Variants in UPF3B observed in about 807,000 individuals in gnomAD.
UPF3B encodes UPF3B regulator of nonsense mediated mRNA decay.
A neutral mutation model predicts 40.3 loss-of-function variants in UPF3B; 7 were observed. The ratio of observed to expected loss-of-function variants is 0.17; its 90% confidence interval spans 0.10 to 0.33. UPF3B has a LOEUF of 0.33. Among genes scored for constraint, UPF3B ranks in the 10% least tolerant of loss-of-function variants. UPF3B has a pLI of 1.00. For missense variants in UPF3B, 229 were observed against 358.9 expected (o/e 0.64, Z 2.93); for synonymous variants, 117 against 117.3 (o/e 1.00, Z 0.01).
At chrX:119,842,311 C>T (rs1009282879) in intron 5 of UPF3B, among the ~76,000 whole-genome samples, 1 of 111,454 alleles carries the variant, frequency 9.0e-6, no homozygotes, top group Non-Finnish European at 1.9e-5. Flanking sequence ...TGGCCGGGCA[C>T]AGTGGCTCAT....
rs748558042 is a variant in UPF3B at position 119,834,747 on chromosome X, T to A, written c.*131A>T. 1 of 1,194,065 alleles carries A rather than the reference T, an allele frequency of 8.4e-7. No homozygotes were observed. The highest frequency in any genetic ancestry group is 1.1e-6 in the Non-Finnish European group (1 of 890,417). ...CCTGCTTTGACACAAGACTTACTCC[T>A]CTGCAGTGTACCCCACCAGCACAGC... is the stretch of plus-strand genomic sequence containing the variant. On this transcript the variant is annotated 3_prime_UTR_variant, in exon 11 of 11. Transcript: ENST00000276201.
At chrX:119,852,683 A>C (rs940003196) in intron 1 of UPF3B, 90 bp downstream of exon 1, 1 of 1,165,374 alleles carries the variant, frequency 8.6e-7, no homozygotes, top group African/African-American at 1.8e-5. Flanking sequence ...GGAGAACCTG[A>C]GAAAGAAAGG....
chrX:119,845,528 TA>T (rs1569462960), intron 3 of UPF3B, among the ~76,000 whole-genome samples: 3 of 112,366 alleles, frequency 2.7e-5, no homozygotes, highest in Admixed American at 9.5e-5. Flanking sequence ...AATATTCATA[TA>T]AATTCAACTT....
chrX:119,837,949 T>C lies in UPF3B; in HGVS notation c.1110A>G (p.Glu370=), dbSNP rs779590343. The change falls in exon 10 of 11, where the codon GAA becomes GAG. Residue 370 remains glutamate (E), a synonymous_variant. Transcript: ENST00000276201. The part of the protein sequence containing the change: ...LRERERLKRQ[E]EERRRQKERY... ...GCTCCTTCTGCCTACGGCGCTCTTC[T>C]TCTTGCCGCTTCAGCCTCTCTCTTT... 8 of 1,211,248 alleles carry C rather than the reference T, an allele frequency of 6.6e-6. No homozygotes were observed. In the Middle Eastern group the frequency reaches 9.2e-4, roughly 139 times the overall value.
At chrX:119,827,857 G>A (rs1184861873) in intron 3 of UPF3B, among the ~76,000 whole-genome samples, 1 of 109,844 alleles carries the variant, frequency 9.1e-6, no homozygotes, top group Non-Finnish European at 1.9e-5. Context: ...TCAGCCTCCC[G>A]AGTAGCTGGG....
intron 3 of UPF3B, among the ~76,000 whole-genome samples, chrX:119,826,298 T>G (rs2055978201): frequency 9.1e-6 from 1 of 110,326 alleles, no homozygotes; most frequent in Non-Finnish European, 1.9e-5. Flanking sequence ...CTCGCCAACA[T>G]GGTGAAACCC....
At chrX:119,819,083 T>C in intron 4 of UPF3B, among the ~76,000 whole-genome samples, 1 of 97,919 alleles carries the variant, frequency 1.0e-5, no homozygotes, top group Non-Finnish European at 2.1e-5. Context: ...AGACCAAATC[T>C]CACTCTGTCA....
downstream of UPF3B, among the ~76,000 whole-genome samples, chrX:119,830,401 C>T (rs980143578): frequency 9.1e-6 from 1 of 110,359 alleles, no homozygotes; most frequent in African/African-American, 3.3e-5. Context: ...GGCACCTCCT[C>T]CCCGCACTCA....
At chrX:119,841,477 T>C (rs2056160744) in intron 6 of UPF3B, among the ~76,000 whole-genome samples, 1 of 111,864 alleles carries the variant, frequency 8.9e-6, no homozygotes, top group Admixed American at 9.6e-5. Flanking sequence ...TTACTATCTC[T>C]CCAGAGGCTT....
intron 3 of UPF3B, among the ~76,000 whole-genome samples, chrX:119,827,093 CAA>C (rs1042831461): frequency 1.9e-4 from 21 of 111,987 alleles, no homozygotes; most frequent in African/African-American, 5.5e-4. Context: ...TCTCATCAAA[CAA>C]GAGCAATTTT....
intron 5 of UPF3B, among the ~76,000 whole-genome samples, chrX:119,842,012 TAA>T (rs2056166483): frequency 8.9e-6 from 1 of 112,357 alleles, no homozygotes; most frequent in Admixed American, 9.4e-5. Flanking sequence ...AATAATTTAT[TAA>T]AAGAGTCATT....
At chrX:119,830,945 A>G (rs960166566), downstream of UPF3B, among the ~76,000 whole-genome samples, 28 of 111,632 alleles carry the variant, frequency 2.5e-4, no homozygotes, top group African/African-American at 8.8e-4. Context: ...AATTCAATTC[A>G]GGATGAACAA....
At chrX:119,820,000 G>A (rs1398815628) in intron 4 of UPF3B, among the ~76,000 whole-genome samples, 1 of 110,267 alleles carries the variant, frequency 9.1e-6, no homozygotes, top group Non-Finnish European at 1.9e-5. Context: ...GCCCGCCACT[G>A]TGCCTGGCTA....
intron 3 of UPF3B, among the ~76,000 whole-genome samples, chrX:119,825,293 A>C (rs1183921647): frequency 9.0e-6 from 1 of 111,119 alleles, no homozygotes; most frequent in Non-Finnish European, 1.9e-5. Flanking sequence ...GCCTTGTATA[A>C]AACCATCAGA....
At position 119,825,149 on chromosome X, in the gene UPF3B, A is replaced by G. The variant is rs1161975843; in HGVS notation, c.393-2106T>C. ...ACCCGAGTGTGGGTAATTTATAAAGAAAAGAGGTTTAATTGACTCACAGTT... is the reference window on the plus strand; with the variant it reads ...ACCCGAGTGTGGGTAATTTATAAAGGAAAGAGGTTTAATTGACTCACAGTT... On this transcript the variant is annotated intron_variant, in intron 3 of 6. Coordinates refer to the UPF3B transcript ENST00000636792. Among the ~76,000 whole-genome samples the G allele has an allele frequency of 5.4e-5, 6 of 111,822 alleles. No homozygotes were observed. In the Admixed American group the frequency reaches 5.8e-4, roughly 11 times the overall value.
Position 119,845,304 on chromosome X carries a change from G to GA in UPF3B, c.371-9dup. On this transcript the variant is annotated splice_polypyrimidine_tract_variant and intron_variant, in intron 3 of 10. Transcript: ENST00000276201. ...TAGCGGGATATTCCTGACCTGTTTA[G>GA]AAAAAAAATACCACACTTGCTATAA... 7.7e-6 allele frequency: 9 copies of GA among 1,171,466 alleles called. No homozygotes were observed. The highest frequency in any genetic ancestry group is 7.0e-6 in the Non-Finnish European group (6 of 861,340).
chrX:119,834,529 A>G lies in UPF3B; in HGVS notation c.*349T>C. 4 of 898,452 alleles carry G rather than the reference A, an allele frequency of 4.5e-6. No individual in the cohort carries two copies. Among genetic ancestry groups the G allele is most frequent in the Non-Finnish European group, 5.5e-6 (4 of 729,428 alleles). The allele number at this position is 898,452 out of a possible 1,213,427, so 74.0% of individuals were successfully genotyped here. A position where few individuals can be genotyped will look rare whatever the true frequency, so the allele number is the denominator to read the frequency against. On this transcript the variant is annotated 3_prime_UTR_variant, in exon 11 of 11. Coordinates refer to ENST00000276201, the MANE Select transcript of UPF3B (RefSeq NM_080632.3). ...CAGAAAATTCAATTCAGGATGAACA[A>G]CAGCTTTTGATTTTAGAACCAGCTC...
chrX:119,812,478 T>G (rs1355839759), intron 5 of UPF3B, among the ~76,000 whole-genome samples: 1 of 111,221 alleles, frequency 9.0e-6, no homozygotes, highest in Non-Finnish European at 1.9e-5. Context: ...CATCAGTGAT[T>G]TGCAAGTCAC....
chrX:119,815,201 T>G (rs1569458636), exon 5 of UPF3B: 28 of 789,307 alleles, frequency 3.5e-5, no homozygotes, highest in Non-Finnish European at 4.1e-5. Context: ...ACAACTTTCC[T>G]GCTTTCTTTC....
Sources: allele counts gnomAD v4.1 joint callset (sites outside exome capture counted in the v4.1 genomes callset), GRCh38; gene constraint gnomAD v4.1.1; transcripts MANE v1.5; gene names NCBI Gene and HGNC (gene_info 2026-07-23, HGNC 2026-07-21).